The following COL27A1 variants were observed in gnomAD, a reference collection of about 807,000 sequenced individuals.
COL27A1 encodes collagen alpha-1(XXVII) chain.
Under a neutral mutation model 251.3 loss-of-function variants are expected in COL27A1, and 106 were observed. The ratio of observed to expected loss-of-function variants is 0.42; its 90% confidence interval spans 0.36 to 0.50. COL27A1 has a LOEUF of 0.50. COL27A1 is among the 20% of genes least tolerant of loss of function. The probability of loss-of-function intolerance (pLI) is 0.00; values close to 1 mark genes in which losing one functional copy is unlikely to be tolerated. For synonymous variants in COL27A1, 1,000 were observed against 986.3 expected (o/e 1.01, Z -0.26); for missense variants, 2,325 against 2,522.8 (o/e 0.92, Z 1.68).
rs117379577 is a variant in COL27A1 at position 114,262,611 on chromosome 9, G to A, written c.3196-1744G>A. ...GTGGGCATCGCCTCCTGTCTTGAGG[G>A]AGAGATTTCTTGTGCCCATTTCAGA... On this transcript the variant is annotated intron_variant, in intron 28 of 60. Coordinates refer to ENST00000356083, the MANE Select transcript of COL27A1 (RefSeq NM_032888.4). 2.6e-4 allele frequency among the ~76,000 whole-genome samples: 39 copies of A among 152,330 alleles called. No individual in the cohort carries two copies. The East Asian group carries it at 7.0e-3, about 27-fold the overall frequency.
intron 3 of COL27A1, among the ~76,000 whole-genome samples, chr9:114,175,486 C>T (rs375469306): frequency 1.7e-3 from 262 of 152,326 alleles, no homozygotes; most frequent in African/African-American, 5.5e-3. Flanking sequence ...GGGTCCAGCC[C>T]GTGGCTAGCA....
chr9:114,308,569 A>G (rs1405409616), intron 59 of COL27A1, among the ~76,000 whole-genome samples: 1 of 152,238 alleles, frequency 6.6e-6, no homozygotes, highest in East Asian at 1.9e-4. Context: ...CCCTGCGGCC[A>G]GAGCTCACAG....
Position 114,168,790 on chromosome 9 carries a change from G to T in COL27A1, c.1235G>T (p.Arg412Leu), listed in dbSNP as rs148184700. The T allele has an allele frequency of 1.9e-6, 3 of 1,613,788 alleles. No individual in the cohort carries two copies. Among genetic ancestry groups the T allele is most frequent in the Non-Finnish European group, 1.7e-6 (2 of 1,179,988 alleles). ...PTQKQVPPTS[R>L]PVPARVSRPA... The stretch of plus-strand genomic sequence containing the variant: ...CAGAAGCAAGTGCCACCTACTTCCC[G>T]TCCAGTTCCTGCCAGAGTCTCCCGT... Residue 412 changes from arginine to leucine, a missense_variant, in exon 3 of 61, where the codon CGT becomes CTT. By Grantham distance (102) the Arg-to-Leu change is moderately radical. This residue lies in a region of COL27A1 where 1,183 missense variants were observed against 1,144.1 expected (regional missense o/e 1.03). Transcript: ENST00000356083.
At chr9:114,292,265 A>C in intron 49 of COL27A1, 55 bp downstream of exon 49, 3 of 1,273,414 alleles carry the variant, frequency 2.4e-6, no homozygotes, top group Non-Finnish European at 2.2e-6. Context: ...GCACACACTC[A>C]CATACACCTA....
chr9:114,252,468 C>T, intron 25 of COL27A1, 125 bp from the exon 26 acceptor site: 1 of 781,438 alleles, frequency 1.3e-6, no homozygotes, highest in East Asian at 2.5e-5. Flanking sequence ...GGCAGGGACC[C>T]TCTAGAGACC....
chr9:114,198,777 G>A lies in COL27A1; in HGVS notation c.2124+2765G>A, dbSNP rs183605353. On this transcript the variant is annotated intron_variant, in intron 7 of 60. Coordinates refer to ENST00000356083, the MANE Select transcript of COL27A1 (RefSeq NM_032888.4). ...AATTTGCTGGGCCAGTTCCCAAGGT[G>A]GGGAAGACACGCAAACCAGGTCAGA... Among the ~76,000 whole-genome samples, 110 of 152,272 alleles carry A rather than the reference G, an allele frequency of 7.2e-4. 2 individuals are homozygous for A. Among genetic ancestry groups the A allele is most frequent in the Admixed American group, 6.2e-3 (95 of 15,294 alleles).
chr9:114,191,333 A>G (rs1049627652), intron 5 of COL27A1, among the ~76,000 whole-genome samples: 1 of 152,086 alleles, frequency 6.6e-6, no homozygotes, highest in Non-Finnish European at 1.5e-5. Context: ...AACGTGTGCC[A>G]TGGTGGTTTG....
chr9:114,295,616 C>T (rs1323164668), intron 49 of COL27A1, among the ~76,000 whole-genome samples: 1 of 152,236 alleles, frequency 6.6e-6, no homozygotes, highest in East Asian at 1.9e-4. Flanking sequence ...AATGAAAGGT[C>T]CAGACATATA....
At position 114,265,401 on chromosome 9, in the gene COL27A1, AC is replaced by A; in HGVS notation, c.3340-19del. ...AGAAGGCCATGGAGGGCCTAAGGTC[AC>A]CTTTACCTTGTCTCTGCAGGGCATC... On this transcript the variant is annotated intron_variant, in intron 31 of 60. Coordinates refer to ENST00000356083, the MANE Select transcript of COL27A1 (RefSeq NM_032888.4). The A allele has an allele frequency of 6.2e-7, 1 of 1,612,280 alleles. No homozygotes were observed. The highest frequency in any genetic ancestry group is 8.5e-7 in the Non-Finnish European group (1 of 1,178,940).
At chr9:114,223,368 G>C (rs1354943823) in intron 14 of COL27A1, among the ~76,000 whole-genome samples, 1 of 152,216 alleles carries the variant, frequency 6.6e-6, no homozygotes, top group African/African-American at 2.4e-5. Context: ...GGAGGTCCCT[G>C]AGGGAGGCAG....
At position 114,264,368 on chromosome 9, in the gene COL27A1, C is replaced by T. The variant is rs201234688; in HGVS notation, c.3209C>T (p.Pro1070Leu). 59 of 1,597,062 alleles carry T rather than the reference C, an allele frequency of 3.7e-5. No individual in the cohort carries two copies. Among genetic ancestry groups the T allele is most frequent in the Middle Eastern group, 3.3e-4 (2 of 6,052 alleles). ...GAKGRRGPRG[P>L]DGPAGEQGSR... ...TTCCTATTCCAGGGCCCCCGAGGAC[C>T]GGACGGACCAGCTGGGGAGCAAGGG... is the stretch of plus-strand genomic sequence containing the variant. Residue 1070 changes from proline to leucine, a missense_variant, in exon 29 of 61, where the codon CCG becomes CTG. Physicochemically the swap from Pro to Leu is moderately conservative, Grantham distance 98 (BLOSUM62 -3). Coordinates refer to ENST00000356083, the MANE Select transcript of COL27A1 (RefSeq NM_032888.4).
At chr9:114,280,078 T>A (rs1289879936) in intron 37 of COL27A1, among the ~76,000 whole-genome samples, 1 of 152,234 alleles carries the variant, frequency 6.6e-6, no homozygotes, top group African/African-American at 2.4e-5. Flanking sequence ...TTTCATTGTA[T>A]ATAAAATTTC....
chr9:114,302,490 T>C (rs1374868596), intron 56 of COL27A1, among the ~76,000 whole-genome samples: 1 of 151,218 alleles, frequency 6.6e-6, no homozygotes, highest in African/African-American at 2.4e-5. Flanking sequence ...ACTTTGGGAG[T>C]TCGAGGCGAG....
Position 114,217,451 on chromosome 9 carries a change from T to TGCA in COL27A1, c.2368-2338_2368-2336dup, listed in dbSNP as rs1830782834. Among the ~76,000 whole-genome samples, 5 of 152,012 alleles carry TGCA rather than the reference T, an allele frequency of 3.3e-5. No homozygotes were observed. In the South Asian group the frequency reaches 1.0e-3, roughly 31 times the overall value. On this transcript the variant is annotated intron_variant, in intron 12 of 60. Coordinates refer to ENST00000356083, the MANE Select transcript of COL27A1 (RefSeq NM_032888.4). ...TGGCCAGCCTGGAATGGCCTCTGAATGCAGACCCATGGGTCTGAGACCTGC... is the reference window on the plus strand; with the variant it reads ...TGGCCAGCCTGGAATGGCCTCTGAATGCAGCAGACCCATGGGTCTGAGACCTGC...
intron 5 of COL27A1, among the ~76,000 whole-genome samples, chr9:114,191,240 C>T (rs563643240): frequency 1.3e-5 from 2 of 152,204 alleles, no homozygotes; most frequent in South Asian, 4.2e-4. Flanking sequence ...GAACCTAAAT[C>T]CCACTTTCTT....
Position 114,168,049 on chromosome 9 carries a change from G to T in COL27A1, c.494G>T (p.Gly165Val). 1.2e-6 allele frequency: 2 copies of T among 1,607,330 alleles called. No individual in the cohort carries two copies. The highest frequency in any genetic ancestry group is 1.1e-5 in the South Asian group (1 of 91,056). Residue 165 changes from glycine to valine, a missense_variant, in exon 3 of 61, where the codon GGC becomes GTC. Transcript: ENST00000356083. ...CACCACCTGGCCCTCGAGCTCCGAG[G>T]CCGCACAGTCACTCTGGTGACTGCC... ...RWHHLALELRGRTVTLVTACG... is the reference protein window; with the variant it reads ...RWHHLALELRVRTVTLVTACG...
Position 114,155,769 on chromosome 9 carries a change from G to A in COL27A1, c.-182G>A. The A allele has an allele frequency of 4.6e-6, 1 of 216,088 alleles. No individual in the cohort carries two copies. The highest frequency in any genetic ancestry group is 7.8e-6 in the Non-Finnish European group (1 of 128,314). 13.4% of individuals were successfully genotyped at this position (216,088 alleles called of 1,614,324 possible). ...CTGGGACCATGGGCCTGGCGCGGGC[G>A]CCCGCGGGGCCCCAGCCGCGCTGCC... On this transcript the variant is annotated 5_prime_UTR_variant, in exon 1 of 61. Coordinates refer to ENST00000356083, the MANE Select transcript of COL27A1 (RefSeq NM_032888.4). The surrounding 1 kb of genome is among the most constrained non-coding windows in gnomAD (Gnocchi z 5.5).
At chr9:114,169,971 A>T (rs1260409328) in intron 3 of COL27A1, among the ~76,000 whole-genome samples, 1 of 152,226 alleles carries the variant, frequency 6.6e-6, no homozygotes, top group Non-Finnish European at 1.5e-5. Flanking sequence ...TTCTTTTTTA[A>T]AAATCCAATA....
intron 1 of COL27A1, 65 bp from the exon 2 acceptor site, chr9:114,162,650 C>T: frequency 8.0e-7 from 1 of 1,252,848 alleles, no homozygotes; most frequent in Non-Finnish European, 1.2e-6. Context: ...CCAGCTTCCC[C>T]AGCCGGATCC....
Sources: allele counts gnomAD v4.1 joint callset (sites outside exome capture counted in the v4.1 genomes callset), GRCh38; gene constraint gnomAD v4.1.1; regional missense constraint gnomAD v4.1.1; non-coding constraint Gnocchi (gnomAD v3.1); transcripts MANE v1.5; gene names NCBI Gene and HGNC (gene_info 2026-07-23, HGNC 2026-07-21).